CREB3L4: variants seen among roughly 807,000 people sequenced by gnomAD.
CREB3L4 encodes the protein cyclic AMP-responsive element-binding protein 3-like protein 4.
A neutral mutation model predicts 37.0 loss-of-function variants in CREB3L4; 28 were observed. The observed-to-expected ratio is 0.76, with a 90% CI of 0.56 to 1.04. CREB3L4 has a LOEUF of 1.04. CREB3L4 is among the 50% of genes least tolerant of loss of function. CREB3L4 has a pLI of 0.00. For synonymous variants in CREB3L4, 175 were observed against 192.2 expected, an observed-to-expected ratio of 0.91 and a Z score of 0.74; for missense variants, 462 against 486.0, an observed-to-expected ratio of 0.95 and a Z score of 0.46.
intron 4 of CREB3L4, 118 bp from the exon 5 acceptor site, chr1:153,972,626 G>C: frequency 1.4e-6 from 1 of 731,732 alleles, no homozygotes; most frequent in Non-Finnish European, 2.3e-6. Flanking sequence ...CTAGATTAAA[G>C]TTGTCTCCCA....
rs755083386 is a variant in CREB3L4 at position 153,973,401 on chromosome 1, C to T, written c.834C>T (p.Arg278=). The T allele has an allele frequency of 1.2e-6, 2 of 1,614,148 alleles. No homozygotes were observed. The highest frequency in any genetic ancestry group is 2.2e-5 in the East Asian group (1 of 44,880). ...RHNISLVAQL[R]QLQTLIAQTS... ...CCAGCTCCTTGGTAGCTCAGCTCCG[C>T]CAGCTGCAGACGCTAATTGCTCAAA... is the stretch of plus-strand genomic sequence containing the variant. Residue 278 remains arginine (R), a synonymous_variant, in exon 8 of 10, where the codon CGC becomes CGT. Transcript: ENST00000368607.
At position 153,969,052 on chromosome 1, in the gene CREB3L4, C is replaced by A; in HGVS notation, c.297C>A (p.Asp99Glu). The change falls in exon 3 of 10, where the codon GAC (aspartate) becomes GAA (glutamate). Residue 99 changes from aspartate (D) to glutamate (E), a missense_variant. Physicochemically the swap from Asp to Glu is conservative, Grantham distance 45 (BLOSUM62 2). Coordinates refer to ENST00000368607, the MANE Select transcript of CREB3L4 (RefSeq NM_001255978.2). ...SGISEDPCHP[D>E]SPPAPRATSS... is the part of the protein sequence containing the mutation. ...TCTCTGAGGACCCCTGCCATCCAGACAGTCCCCCTGCCCCCAGGGCAACCA... is the reference window on the plus strand; with the variant it reads ...TCTCTGAGGACCCCTGCCATCCAGAAAGTCCCCCTGCCCCCAGGGCAACCA... 1.2e-6 allele frequency: 2 copies of A among 1,614,212 alleles called. No homozygotes were observed. The highest frequency in any genetic ancestry group is 1.7e-6 in the Non-Finnish European group (2 of 1,180,032).
At chr1:153,971,587 CT>C (rs55930906) in intron 4 of CREB3L4, among the ~76,000 whole-genome samples, 1,505 of 107,530 alleles carry the variant, frequency 0.014, 13 homozygotes, top group Non-Finnish European at 0.018. Flanking sequence ...TTTTCTTTTT[CT>C]TTTTTTTTTT....
rs1239266958 is a variant in CREB3L4 at position 153,973,646 on chromosome 1, C to T, written c.924C>T (p.Ile308=). ...TTCTTCTTTTTTCCCTGGCTCTCAT[C>T]ATCCTGCCCAGCTTCAGTCCATTCC... is the stretch of plus-strand genomic sequence containing the variant. ...VLILLFSLAL[I]ILPSFSPFQS... Residue 308 remains isoleucine (I), a synonymous_variant, in exon 9 of 10, where the codon ATC becomes ATT. Transcript: ENST00000368607. 1.2e-6 allele frequency: 2 copies of T among 1,611,942 alleles called. No individual in the cohort carries two copies. The highest frequency in any genetic ancestry group is 2.2e-5 in the South Asian group (2 of 90,588).
chr1:153,969,464 T>G lies in CREB3L4; in HGVS notation c.543+9T>G, dbSNP rs767170915. 1.4e-5 allele frequency: 22 copies of G among 1,613,732 alleles called. No homozygotes were observed. Among genetic ancestry groups the G allele is most frequent in the Non-Finnish European group, 1.7e-6 (2 of 1,179,808 alleles). On this transcript the variant is annotated intron_variant, in intron 4 of 9. Coordinates refer to ENST00000368607, the MANE Select transcript of CREB3L4 (RefSeq NM_001255978.2). ...TGCCCTGTACAACCCTGGTGAGTCT[T>G]GGTGTCAGCCAGAACCACTACTCCT...
chr1:153,968,252 A>C, intron 1 of CREB3L4, 88 bp downstream of exon 1: 4 of 284,644 alleles, frequency 1.4e-5, no homozygotes, highest in Non-Finnish European at 1.3e-5. Flanking sequence ...GAAAAGGTGT[A>C]GTGTTTGGGG....
At chr1:153,972,665 G>T (rs536761209) in intron 4 of CREB3L4, 79 bp from the exon 5 acceptor site, 65 of 1,122,450 alleles carry the variant, frequency 5.8e-5, no homozygotes, top group Middle Eastern at 2.9e-4. Flanking sequence ...GAAGGCATGT[G>T]GGGGGAGTAG....
At position 153,973,470 on chromosome 1, in the gene CREB3L4, A is replaced by AT; in HGVS notation, c.897+8dup. On this transcript the variant is annotated splice_region_variant and intron_variant, in intron 8 of 9. Coordinates refer to ENST00000368607, the MANE Select transcript of CREB3L4 (RefSeq NM_001255978.2). ...AGACCAGCACTTGTGTTTTGGTACC[A>AT]TTAGTCTATCTACTCCCATCTCCCC... 9 of 1,613,004 alleles carry AT rather than the reference A, an allele frequency of 5.6e-6. No individual in the cohort carries two copies. Among genetic ancestry groups the AT allele is most frequent in the Non-Finnish European group, 6.8e-6 (8 of 1,179,032 alleles).
At position 153,974,036 on chromosome 1, in the gene CREB3L4, C is replaced by G; in HGVS notation, c.1159C>G (p.Arg387Gly). 6.2e-7 allele frequency: 1 copy of G among 1,613,924 alleles called. No homozygotes were observed. Residue 387 changes from arginine to glycine, a missense_variant, in exon 10 of 10, where the codon CGG becomes GGG. Arg to Gly is a moderately radical substitution (Grantham distance 125, BLOSUM62 -2). Transcript: ENST00000368607. Reference sequence around the variant, plus strand: ...GAAGCCAAGACCCAGTGGGCGCATCCGGTCCGTGCTGCATGCAGATGAGAT... The same window carrying G: ...GAAGCCAAGACCCAGTGGGCGCATCGGGTCCGTGCTGCATGCAGATGAGAT... ...GGKPRPSGRIRSVLHADEM is the reference protein window; with the variant it reads ...GGKPRPSGRIGSVLHADEM
chr1:153,967,894 C>T (rs548395358), upstream of CREB3L4: 4 of 152,338 alleles, frequency 2.6e-5, no homozygotes, highest in Admixed American at 2.6e-4. Context: ...GGTCTCTTGA[C>T]TCTTTCCGCC....
chr1:153,974,012 A>C lies in CREB3L4; in HGVS notation c.1135A>C (p.Lys379Gln). 1 of 1,614,098 alleles carries C rather than the reference A, an allele frequency of 6.2e-7. No homozygotes were observed. The highest frequency in any genetic ancestry group is 8.5e-7 in the Non-Finnish European group (1 of 1,180,026). Residue 379 changes from lysine to glutamine, a missense_variant, in exon 10 of 10, where the codon AAG becomes CAG. Transcript: ENST00000368607. Reference sequence around the variant, plus strand: ...GACACTGCTTGAGAAGATGGGAGGGAAGCCAAGACCCAGTGGGCGCATCCG... The same window carrying C: ...GACACTGCTTGAGAAGATGGGAGGGCAGCCAAGACCCAGTGGGCGCATCCG... Reference protein sequence around the residue: ...TRTLLEKMGGKPRPSGRIRSV... With the variant: ...TRTLLEKMGGQPRPSGRIRSV...
chr1:153,974,174 C>A lies in CREB3L4; in HGVS notation c.*109C>A. On this transcript the variant is annotated 3_prime_UTR_variant, in exon 10 of 10. Coordinates refer to ENST00000368607, the MANE Select transcript of CREB3L4 (RefSeq NM_001255978.2). Reference sequence around the variant, plus strand: ...ACTTAGGTGTCTGCCCTCAGGGGTCCAAATCACTTCAGGACACCCCAAGAG... The same window carrying A: ...ACTTAGGTGTCTGCCCTCAGGGGTCAAAATCACTTCAGGACACCCCAAGAG... 9.8e-7 allele frequency: 1 copy of A among 1,016,314 alleles called. No homozygotes were observed. 63.0% of individuals were successfully genotyped at this position (1,016,314 alleles called of 1,614,324 possible). A position where few individuals can be genotyped will look rare whatever the true frequency, so the allele number is the denominator to read the frequency against.
chr1:153,971,660 G>A (rs1228615548), intron 4 of CREB3L4, among the ~76,000 whole-genome samples: 3 of 141,428 alleles, frequency 2.1e-5, no homozygotes, highest in Non-Finnish European at 3.0e-5. Flanking sequence ...ATTTTGATTA[G>A]GTGGACTGGA....
At chr1:153,967,549 G>C (rs564878840), upstream of CREB3L4, 1 of 152,380 alleles carries the variant, frequency 6.6e-6, no homozygotes, top group East Asian at 1.9e-4. Context: ...TGCTCGCGGT[G>C]CTGAGGCGGG....
rs74369324 is a variant in CREB3L4, at chr1:153,969,126, G to A, written c.371G>A (p.Arg124Lys). Residue 124 changes from arginine (R) to lysine (K), a missense_variant, in exon 3 of 10, where the codon AGG (arginine) becomes AAG (lysine). Arg to Lys is a conservative substitution (Grantham distance 26). Coordinates refer to ENST00000368607, the MANE Select transcript of CREB3L4 (RefSeq NM_001255978.2). ...GTCTATGAGGCAGGGGCCCTGGAGA[G>A]GATGCAGGGGGAAACTGGGCCAAAT... ...EVVYEAGALERMQGETGPNVG... is the reference protein window; with the variant it reads ...EVVYEAGALEKMQGETGPNVG... 1,651 of 1,614,214 alleles carry A rather than the reference G, an allele frequency of 1.0e-3. 20 individuals carry two copies. The African/African-American group carries it at 0.019, about 18-fold the overall frequency.
chr1:153,972,686 G>A (rs41308371), intron 4 of CREB3L4, 58 bp from the exon 5 acceptor site: 488 of 1,417,666 alleles, frequency 3.4e-4, no homozygotes, highest in Middle Eastern at 1.2e-3. Context: ...CCTGGGTGCT[G>A]CAAATGGGAT....
chr1:153,971,112 G>A (rs1322509017), intron 4 of CREB3L4, among the ~76,000 whole-genome samples: 2 of 144,298 alleles, frequency 1.4e-5, no homozygotes, highest in African/African-American at 2.5e-5. Flanking sequence ...GCTCATGCCT[G>A]TAATCCCAGC....
At chr1:153,971,570 G>GT (rs1352889444) in intron 4 of CREB3L4, among the ~76,000 whole-genome samples, 1 of 133,486 alleles carries the variant, frequency 7.5e-6, no homozygotes, top group Non-Finnish European at 1.6e-5. Context: ...TGGCCACTCT[G>GT]TTTTCTTTTT....
intron 4 of CREB3L4, among the ~76,000 whole-genome samples, chr1:153,971,093 G>A (rs557535899): frequency 0.016 from 2 of 126 alleles, no homozygotes; most frequent in African/African-American, 0.071. Flanking sequence ...GATGCCGGCC[G>A]GGCGCGGTGC....
Sources: allele counts gnomAD v4.1 joint callset (sites outside exome capture counted in the v4.1 genomes callset), GRCh38; gene constraint gnomAD v4.1.1; transcripts MANE v1.5; gene names NCBI Gene and HGNC (gene_info 2026-07-23, HGNC 2026-07-21).